ADK: variants seen among roughly 807,000 people sequenced by gnomAD.
ADK encodes the protein adenosine kinase.
ADK carries 24 observed loss-of-function variants against 44.7 expected under a neutral mutation model. The observed-to-expected ratio is 0.54, with a 90% confidence interval of 0.39 to 0.76. The LOEUF is 0.76. ADK is among the 30% of genes least tolerant of loss of function. The pLI is 0.00. For missense variants in ADK, 321 were observed against 425.1 expected, an observed-to-expected ratio of 0.76 and a Z score of 2.15; for synonymous variants, 128 against 142.6, an observed-to-expected ratio of 0.90 and a Z score of 0.73.
At chr10:74,154,532 G>A (rs1050982768) in intron 1 of ADK, among the ~76,000 whole-genome samples, 1 of 152,164 alleles carries the variant, frequency 6.6e-6, no homozygotes, top group African/African-American at 2.4e-5. Flanking sequence ...GCCTCCCAAA[G>A]TGTTGGGATT....
chr10:74,450,151 T>TA (rs992974719), intron 6 of ADK, among the ~76,000 whole-genome samples: 19 of 151,830 alleles, frequency 1.3e-4, no homozygotes, highest in African/African-American at 4.1e-4. Flanking sequence ...CACAAAAAAT[T>TA]AAAAAAATAA....
chr10:74,189,618 T>C (rs898066821), intron 1 of ADK, among the ~76,000 whole-genome samples: 2 of 152,256 alleles, frequency 1.3e-5, no homozygotes, highest in African/African-American at 2.4e-5. Flanking sequence ...TACTGTAAAA[T>C]GCACCACTTA....
chr10:74,525,570 C>G (rs1354397603), intron 7 of ADK, 144 bp downstream of exon 7: 2 of 675,768 alleles, frequency 3.0e-6, no homozygotes, highest in African/African-American at 3.6e-5. Context: ...AAAATTGCCT[C>G]AATGTCAACT....
chr10:74,358,250 G>T (rs1235603656), intron 4 of ADK, among the ~76,000 whole-genome samples: 2 of 152,036 alleles, frequency 1.3e-5, no homozygotes, highest in East Asian at 3.8e-4. Flanking sequence ...CAGCATTTTT[G>T]ATATTATTAC....
intron 2 of ADK, among the ~76,000 whole-genome samples, chr10:74,219,601 T>C (rs1166162380): frequency 2.0e-5 from 3 of 152,058 alleles, no homozygotes; most frequent in African/African-American, 7.2e-5. Flanking sequence ...TATTCCAAAA[T>C]TGAACACATA....
chr10:74,551,060 A>G (rs1850019553), intron 7 of ADK, among the ~76,000 whole-genome samples: 2 of 152,192 alleles, frequency 1.3e-5, no homozygotes, highest in South Asian at 4.1e-4. Context: ...GCTTGTATAC[A>G]AGAGTAGTTA....
rs553869656 is a variant in ADK, at chr10:74,506,968, G to A, written c.556-18288G>A. On this transcript the variant is annotated intron_variant, in intron 6 of 10. Coordinates refer to ENST00000539909, the MANE Select transcript of ADK (RefSeq NM_006721.4). ...TTCTTGAAAAAATTTTTACACACAA[G>A]TGGATCCATGCAGTTCAAACCCAAG... Among the ~76,000 whole-genome samples the A allele has an allele frequency of 4.6e-5, 7 of 152,220 alleles. No homozygotes were observed. The East Asian group carries it at 5.8e-4, about 13-fold the overall frequency.
intron 10 of ADK, among the ~76,000 whole-genome samples, chr10:74,689,504 A>G (rs1855909484): frequency 6.6e-6 from 1 of 152,176 alleles, no homozygotes; most frequent in Non-Finnish European, 1.5e-5. Context: ...CTCCAAGTTG[A>G]TTCCTGACAT....
At chr10:74,304,085 G>T (rs1013402596) in intron 3 of ADK, among the ~76,000 whole-genome samples, 1 of 152,012 alleles carries the variant, frequency 6.6e-6, no homozygotes, top group Non-Finnish European at 1.5e-5. Flanking sequence ...TATTTGTTTT[G>T]TATAGCTGTA....
At chr10:74,424,306 A>T (rs975449871) in intron 6 of ADK, among the ~76,000 whole-genome samples, 1 of 152,098 alleles carries the variant, frequency 6.6e-6, no homozygotes, top group Non-Finnish European at 1.5e-5. Context: ...AGGCCGAGGC[A>T]GGAGGATCAC....
intron 9 of ADK, among the ~76,000 whole-genome samples, chr10:74,619,309 C>A (rs1852892753): frequency 6.6e-6 from 1 of 151,930 alleles, no homozygotes; most frequent in South Asian, 2.1e-4. Context: ...AGAAAAATTA[C>A]CTGGGCATGG....
chr10:74,586,920 C>G (rs2133912570), intron 7 of ADK, among the ~76,000 whole-genome samples: 1 of 149,316 alleles, frequency 6.7e-6, no homozygotes, highest in East Asian at 1.9e-4. Flanking sequence ...CATATATATA[C>G]ATATACACAC....
intron 10 of ADK, among the ~76,000 whole-genome samples, chr10:74,676,714 C>T (rs913480387): frequency 1.3e-5 from 2 of 152,182 alleles, no homozygotes; most frequent in Non-Finnish European, 2.9e-5. Flanking sequence ...CTGCCTAGGA[C>T]TCCCAAAGTG....
chr10:74,480,226 C>CTTTT (rs1554865928), intron 6 of ADK, among the ~76,000 whole-genome samples: 4 of 133,122 alleles, frequency 3.0e-5, no homozygotes, highest in South Asian at 2.3e-4. Flanking sequence ...TTCTTTCTTT[C>CTTTT]TTTTTTTTTT....
intron 10 of ADK, among the ~76,000 whole-genome samples, chr10:74,701,232 A>G (rs969745842): frequency 3.3e-5 from 5 of 152,216 alleles, no homozygotes; most frequent in Non-Finnish European, 7.3e-5. Context: ...GTGGAGATGG[A>G]CTAGAATTGG....
chr10:74,497,823 A>C (rs1847744174), intron 6 of ADK, among the ~76,000 whole-genome samples: 1 of 152,136 alleles, frequency 6.6e-6, no homozygotes, highest in Admixed American at 6.5e-5. Flanking sequence ...AAAAGTATAG[A>C]TATATCAATC....
intron 6 of ADK, among the ~76,000 whole-genome samples, chr10:74,470,815 T>C (rs1846557756): frequency 6.6e-6 from 1 of 152,134 alleles, no homozygotes; most frequent in South Asian, 2.1e-4. Flanking sequence ...TTTTTCCTTT[T>C]GTTGCCCATG....
intron 3 of ADK, among the ~76,000 whole-genome samples, chr10:74,257,027 A>G (rs1845849547): frequency 6.6e-6 from 1 of 152,212 alleles, no homozygotes; most frequent in South Asian, 2.1e-4. Flanking sequence ...AGAGACTAAA[A>G]TTGACTTATC....
chr10:74,303,737 G>T (rs1197066454), intron 3 of ADK, among the ~76,000 whole-genome samples: 1 of 151,542 alleles, frequency 6.6e-6, no homozygotes, highest in East Asian at 1.9e-4. Flanking sequence ...GGAGGCTGAG[G>T]CGGGTGGATC....
Sources: gnomAD v4.1 joint callset for allele counts (sites outside exome capture counted in the v4.1 genomes callset) on GRCh38, gnomAD v4.1.1 for gene constraint, MANE v1.5 for transcripts, NCBI Gene and HGNC (gene_info 2026-07-23, HGNC 2026-07-21) for gene names.